Variants in LDHA observed in about 807,000 individuals in gnomAD.
LDHA encodes the protein L-lactate dehydrogenase A chain.
LDHA carries 10 observed loss-of-function variants against 36.3 expected under a neutral mutation model. The observed-to-expected ratio is 0.28, with a 90% CI of 0.17 to 0.47. The LOEUF (loss-of-function observed/expected upper bound fraction) is 0.47. Ranked by LOEUF, LDHA falls within the 20% of genes least tolerant of loss-of-function variation. The pLI is 0.99. For synonymous variants in LDHA, 110 were observed against 136.7 expected, an observed-to-expected ratio of 0.80 and a Z score of 1.36; for missense variants, 267 against 405.8, an observed-to-expected ratio of 0.66 and a Z score of 2.94.
At chr11:18,406,115 G>T (rs1866673180) in intron 7 of LDHA, among the ~76,000 whole-genome samples, 1 of 152,126 alleles carries the variant, frequency 6.6e-6, no homozygotes, top group African/African-American at 2.4e-5. Flanking sequence ...ACAGGTGCGT[G>T]CCACCACGCC....
At chr11:18,394,957 G>C (rs1866240706) in intron 1 of LDHA, 1 of 291,248 alleles carries the variant, frequency 3.4e-6, no homozygotes, top group African/African-American at 2.2e-5. Flanking sequence ...CCTTAAGGGT[G>C]GGGGATACCT....
intron 3 of LDHA, chr11:18,400,395 C>A: frequency 3.4e-6 from 1 of 292,990 alleles, no homozygotes; most frequent in Non-Finnish European, 6.7e-6. Context: ...GTAAAGCTGT[C>A]TCTGCTTAAA....
chr11:18,407,569 C>T lies in LDHA; in HGVS notation c.*288C>T. 2 of 700,964 alleles carry T rather than the reference C, an allele frequency of 2.9e-6. No individual in the cohort carries two copies. Among genetic ancestry groups the T allele is most frequent in the Non-Finnish European group, 5.1e-6 (2 of 388,638 alleles). The allele number at this position is 700,964 out of a possible 1,614,324, so 43.4% of individuals were successfully genotyped here. A position where few individuals can be genotyped will look rare whatever the true frequency, so the allele number is the denominator to read the frequency against. On this transcript the variant is annotated 3_prime_UTR_variant, in exon 8 of 8. Coordinates refer to ENST00000422447, the MANE Select transcript of LDHA (RefSeq NM_005566.4). Reference sequence around the variant, plus strand: ...CAATGCTGTACGTACTGCATTTGCCCCTTGAGCCAGGTGGATGTTTACCGT... The same window carrying T: ...CAATGCTGTACGTACTGCATTTGCCTCTTGAGCCAGGTGGATGTTTACCGT...
intron 4 of LDHA, chr11:18,402,632 T>G (rs916009775): frequency 1.9e-6 from 1 of 531,496 alleles, no homozygotes; most frequent in Admixed American, 3.1e-5. Context: ...GGACTTGATA[T>G]ACATAGTGTA....
rs1009275105 is a variant in LDHA at position 18,407,396 on chromosome 11, G to A, written c.*115G>A. ...GATTAAAGCAGTAATATTTTAAGAT[G>A]GACTGGGAAAAACATCAACTCCTGA... On this transcript the variant is annotated 3_prime_UTR_variant, in exon 8 of 8. Transcript: ENST00000422447. 3.2e-5 allele frequency: 51 copies of A among 1,581,304 alleles called. No homozygotes were observed. Among genetic ancestry groups the A allele is most frequent in the Non-Finnish European group, 4.4e-5 (51 of 1,162,526 alleles).
At chr11:18,400,805 C>T (rs1866459620) in intron 3 of LDHA, 32 bp from the exon 4 acceptor site, 10 of 1,591,560 alleles carry the variant, frequency 6.3e-6, no homozygotes, top group Middle Eastern at 1.7e-4. Flanking sequence ...TTCTAAAGGC[C>T]TTAATCTGGT....
rs1237580094 is a variant in LDHA at position 18,408,080 on chromosome 11, GT to G, written c.*800del. 4.4e-6 allele frequency: 2 copies of G among 453,964 alleles called. No individual in the cohort carries two copies. The highest frequency in any genetic ancestry group is 4.7e-5 in the Admixed American group (2 of 42,550). 28.1% of individuals were successfully genotyped at this position (453,964 alleles called of 1,614,324 possible). On this transcript the variant is annotated 3_prime_UTR_variant, in exon 8 of 8. Coordinates refer to ENST00000422447, the MANE Select transcript of LDHA (RefSeq NM_005566.4). ...TAATAATGCTAATCATAATTGGAAA[GT>G]AACATTCTATATGTAAATGTAAAAT...
chr11:18,400,429 CCACA>C (rs6144241), intron 3 of LDHA: 4,715 of 287,072 alleles, frequency 0.016, 161 homozygotes, highest in African/African-American at 0.086. Flanking sequence ...ACCACCACCA[CCACA>C]CACACACACA....
intron 6 of LDHA, among the ~76,000 whole-genome samples, chr11:18,404,923 CAAGA>C (rs1455494698): frequency 6.6e-6 from 1 of 152,084 alleles, no homozygotes; most frequent in Non-Finnish European, 1.5e-5. Flanking sequence ...CCACCCAGCT[CAAGA>C]AAGAAACACA....
intron 3 of LDHA, chr11:18,400,426 CCACCA>C (rs1306621648): frequency 4.2e-5 from 10 of 239,026 alleles, no homozygotes; most frequent in African/African-American, 2.6e-4. Flanking sequence ...CCTACCACCA[CCACCA>C]CACACACACA....
At chr11:18,406,800 G>A (rs1411763187) in intron 7 of LDHA, 6 of 223,884 alleles carry the variant, frequency 2.7e-5, no homozygotes, top group South Asian at 1.3e-4. Context: ...GATCACCTGA[G>A]GTCAAGAATT....
In LDHA at chr11:18,405,559, C is replaced by T. The variant is rs1393389316; in HGVS notation, c.821C>T (p.Ser274Phe). 2 of 1,613,788 alleles carry T rather than the reference C, an allele frequency of 1.2e-6. No homozygotes were observed. The highest frequency in any genetic ancestry group is 1.7e-6 in the Non-Finnish European group (2 of 1,179,902). Residue 274 changes from serine to phenylalanine, a missense_variant, in exon 7 of 8, where the codon TCC becomes TTC. Ser to Phe is a radical substitution (Grantham distance 155, BLOSUM62 -2). Coordinates refer to ENST00000422447, the MANE Select transcript of LDHA (RefSeq NM_005566.4). ...MKNLRRVHPV[S>F]TMIKGLYGIK... ...AATCTTAGGCGGGTGCACCCAGTTTCCACCATGATTAAGGTAGGTCTATGT... is the reference window on the plus strand; with the variant it reads ...AATCTTAGGCGGGTGCACCCAGTTTTCACCATGATTAAGGTAGGTCTATGT...
intron 6 of LDHA, among the ~76,000 whole-genome samples, chr11:18,404,845 T>C (rs1268377403): frequency 3.3e-5 from 5 of 151,474 alleles, no homozygotes; most frequent in African/African-American, 1.2e-4. Context: ...TCATAACATA[T>C]TCTTGTGATT....
intron 1 of LDHA, among the ~76,000 whole-genome samples, chr11:18,395,528 C>A (rs1866264874): frequency 6.6e-6 from 1 of 152,204 alleles, no homozygotes; most frequent in Non-Finnish European, 1.5e-5. Context: ...TCCGCAGGAA[C>A]TCCCTTCCCC....
At position 18,407,502 on chromosome 11, in the gene LDHA, G is replaced by T; in HGVS notation, c.*221G>T. ...TATTAATCTTGTGTAGTCTTCAACT[G>T]GTTAGTGTGAAATAGTTCTGCCACC... On this transcript the variant is annotated 3_prime_UTR_variant, in exon 8 of 8. Transcript: ENST00000422447. The T allele has an allele frequency of 1.1e-6, 1 of 941,664 alleles. No individual in the cohort carries two copies. Among genetic ancestry groups the T allele is most frequent in the East Asian group, 2.6e-5 (1 of 38,230 alleles). The allele number at this position is 941,664 out of a possible 1,614,324, so 58.3% of individuals were successfully genotyped here. A position where few individuals can be genotyped will look rare whatever the true frequency, so the allele number is the denominator to read the frequency against.
intron 4 of LDHA, 168 bp from the exon 5 acceptor site, chr11:18,402,672 G>T: frequency 1.6e-6 from 1 of 634,296 alleles, no homozygotes. Flanking sequence ...AAAATTATTG[G>T]TTAGCCATGA....
chr11:18,396,528 C>T, intron 1 of LDHA: 4 of 1,325,070 alleles, frequency 3.0e-6, no homozygotes, highest in Non-Finnish European at 3.9e-6. Context: ...GCCAGCCCCA[C>T]TTGGGGTTAA....
intron 6 of LDHA, 36 bp downstream of exon 6, chr11:18,403,847 A>G (rs1866582516): frequency 8.9e-7 from 1 of 1,117,372 alleles, no homozygotes; most frequent in South Asian, 1.2e-5. Flanking sequence ...ACAGAATATT[A>G]ACATTTACTA....
intron 3 of LDHA, chr11:18,400,370 ATATG>A: frequency 6.9e-6 from 1 of 145,110 alleles, no homozygotes; most frequent in Non-Finnish European, 1.4e-5. Flanking sequence ...TAGAAGCAAA[ATATG>A]TTTGTTAAGT....
Sources: allele counts gnomAD v4.1 joint callset (sites outside exome capture counted in the v4.1 genomes callset), GRCh38; gene constraint gnomAD v4.1.1; transcripts MANE v1.5; gene names NCBI Gene and HGNC (gene_info 2026-07-23, HGNC 2026-07-21).